The following ANK2 variants were observed in gnomAD, a reference collection of about 807,000 sequenced individuals.
ANK2 encodes ankyrin-2.
Under a neutral mutation model 360.5 loss-of-function variants are expected in ANK2, and 83 were observed. The observed-to-expected ratio is 0.23, with a 90% CI of 0.19 to 0.28. ANK2 has a LOEUF of 0.28. ANK2 is among the 10% of genes least tolerant of loss of function. The pLI, the probability that ANK2 is intolerant of heterozygous loss-of-function variation, is 1.00. For synonymous variants in ANK2, 1,740 were observed against 1,759.5 expected (o/e 0.99, Z 0.28); for missense variants, 4,201 against 4,795.7 (o/e 0.88, Z 3.66).
chr4:112,909,751 G>A (rs2086469442), intron 2 of ANK2, among the ~76,000 whole-genome samples: 1 of 152,158 alleles, frequency 6.6e-6, no homozygotes, highest in Admixed American at 6.5e-5. Context: ...TCCTTATTTT[G>A]TGGTCAGTCT....
At chr4:112,744,133 T>C in the ANK2 span, among the ~76,000 whole-genome samples, 1 of 152,118 alleles carries the variant, frequency 6.6e-6, no homozygotes, top group South Asian at 2.1e-4. Context: ...TTTTGGCTAT[T>C]ACTTTCAATG....
At chr4:113,237,852 G>A (rs1467149416) in intron 7 of ANK2, among the ~76,000 whole-genome samples, 1 of 152,134 alleles carries the variant, frequency 6.6e-6, no homozygotes, top group East Asian at 1.9e-4. Flanking sequence ...AGTTATTAGA[G>A]AATGAAATGA....
chr4:113,056,912 T>A lies in ANK2; in HGVS notation c.84+7100T>A, dbSNP rs1398944042. Among the ~76,000 whole-genome samples the A allele has an allele frequency of 3.3e-5, 5 of 152,180 alleles. 1 individual carries two copies. In the East Asian group the frequency reaches 9.6e-4, roughly 29 times the overall value. On this transcript the variant is annotated intron_variant, in intron 1 of 45. Coordinates refer to ENST00000357077, the MANE Select transcript of ANK2 (RefSeq NM_001148.6). ...ATCTTCTTCCACACACTAATTTGTGTTTGTAGTCATTAAGACAAAGACCTT... is the reference window on the plus strand; with the variant it reads ...ATCTTCTTCCACACACTAATTTGTGATTGTAGTCATTAAGACAAAGACCTT...
In ANK2 at chr4:112,824,200, G is replaced by C. The variant is rs182208508; in HGVS notation, c.-40+5936G>C. On this transcript the variant is annotated intron_variant, in intron 1 of 30. Coordinates refer to the ANK2 transcript ENST00000503271. ...CTATCTATCCGTCTATCTAGAGGGA[G>C]ACAGGGTCTTGTTCTGTCACCCAGG... Among the ~76,000 whole-genome samples, 4 of 151,174 alleles carry C rather than the reference G, an allele frequency of 2.6e-5. No individual in the cohort carries two copies. In the East Asian group the frequency reaches 7.9e-4, roughly 30 times the overall value.
chr4:113,049,461 C>T (rs2065933630), upstream of ANK2, among the ~76,000 whole-genome samples: 1 of 152,138 alleles, frequency 6.6e-6, no homozygotes, highest in African/African-American at 2.4e-5. Context: ...CCAAATCATT[C>T]GAGTCCCTGG....
At chr4:112,918,128 A>G (rs1344985843) in intron 2 of ANK2, among the ~76,000 whole-genome samples, 2 of 152,136 alleles carry the variant, frequency 1.3e-5, no homozygotes, top group Non-Finnish European at 2.9e-5. Context: ...TTTTCTGAGT[A>G]GTCACCTATT....
chr4:113,343,642 T>C (rs1266123891), intron 34 of ANK2, among the ~76,000 whole-genome samples: 2 of 152,134 alleles, frequency 1.3e-5, no homozygotes, highest in African/African-American at 4.8e-5. Flanking sequence ...CATGGAGACA[T>C]TTGTGTGCAC....
Position 113,355,699 on chromosome 4 carries a change from C to T in ANK2, c.7081C>T (p.His2361Tyr), listed in dbSNP as rs1425229183. 2.5e-6 allele frequency: 4 copies of T among 1,614,112 alleles called. No individual in the cohort carries two copies. The highest frequency in any genetic ancestry group is 3.3e-5 in the Admixed American group (2 of 60,016). Reference sequence around the variant, plus strand: ...TCAACGTACCTTTGGTAGTTCAGCCCACAAGACACAAACTGATAGTGAGGT... The same window carrying T: ...TCAACGTACCTTTGGTAGTTCAGCCTACAAGACACAAACTGATAGTGAGGT... ...EGQRTFGSSA[H>Y]KTQTDSEVQE... Residue 2361 changes from histidine to tyrosine, a missense_variant, in exon 38 of 46, where the codon CAC becomes TAC. Coordinates refer to ENST00000357077, the MANE Select transcript of ANK2 (RefSeq NM_001148.6).
intron 2 of ANK2, among the ~76,000 whole-genome samples, chr4:113,034,951 C>A (rs2061271694): frequency 6.6e-6 from 1 of 151,862 alleles, no homozygotes; most frequent in South Asian, 2.1e-4. Flanking sequence ...GAACTCAAGG[C>A]ATATATAATG....
chr4:113,311,791 T>G (rs2080115922), intron 24 of ANK2, among the ~76,000 whole-genome samples: 1 of 152,198 alleles, frequency 6.6e-6, no homozygotes, highest in Non-Finnish European at 1.5e-5. Context: ...TGCCCCCACT[T>G]TTTTGTTAGT....
the ANK2 span, among the ~76,000 whole-genome samples, chr4:112,810,732 A>G: frequency 1.3e-5 from 2 of 149,848 alleles, no homozygotes; most frequent in East Asian, 2.0e-4. Flanking sequence ...TTTTATTTTT[A>G]GTAGAGACGA....
In ANK2 at chr4:113,165,384, A is replaced by G. The variant is rs532365023; in HGVS notation, c.85-9032A>G. 2.0e-4 allele frequency among the ~76,000 whole-genome samples: 30 copies of G among 152,322 alleles called. No individual in the cohort carries two copies. In the South Asian group the frequency reaches 6.0e-3, roughly 31 times the overall value. Reference sequence around the variant, plus strand: ...TTGATTATTTCTATTGCTGGCCTGAAGAAGTACAGATTTCCATGTTACTTT... The same window carrying G: ...TTGATTATTTCTATTGCTGGCCTGAGGAAGTACAGATTTCCATGTTACTTT... On this transcript the variant is annotated intron_variant, in intron 1 of 45. Transcript: ENST00000357077.
At chr4:112,766,319 CAA>C in the ANK2 span, among the ~76,000 whole-genome samples, 504 of 123,582 alleles carry the variant, frequency 4.1e-3, 2 homozygotes, top group African/African-American at 0.013. Flanking sequence ...GACTCTGTCT[CAA>C]AAAAAAAAAA....
chr4:113,254,232 A>G (rs2048068232), intron 10 of ANK2, among the ~76,000 whole-genome samples: 1 of 152,026 alleles, frequency 6.6e-6, no homozygotes, highest in South Asian at 2.1e-4. Flanking sequence ...ATATACTTTA[A>G]TTCTTATTGT....
At chr4:112,872,655 A>T (rs1171612882) in intron 1 of ANK2, among the ~76,000 whole-genome samples, 1 of 152,220 alleles carries the variant, frequency 6.6e-6, no homozygotes, top group South Asian at 2.1e-4. Flanking sequence ...TTCTTAAGGG[A>T]TATTCTTCTT....
chr4:113,381,445 G>A lies in ANK2; in HGVS notation c.11860-12G>A, dbSNP rs766918393. ...AAAAGAGCGTAATTCTCTCTTGTCT[G>A]CTTTTCTCCAGGACAACAATGAGTA... On this transcript the variant is annotated splice_polypyrimidine_tract_variant and intron_variant, in intron 45 of 45. Coordinates refer to ENST00000357077, the MANE Select transcript of ANK2 (RefSeq NM_001148.6). 3 of 1,614,116 alleles carry A rather than the reference G, an allele frequency of 1.9e-6. No homozygotes were observed. Among genetic ancestry groups the A allele is most frequent in the Middle Eastern group, 1.7e-4 (1 of 6,058 alleles).
chr4:113,083,908 A>C (rs991824142), intron 1 of ANK2, among the ~76,000 whole-genome samples: 2 of 152,224 alleles, frequency 1.3e-5, no homozygotes, highest in Non-Finnish European at 2.9e-5. Flanking sequence ...ACATAGAAGC[A>C]TAAAATTTCA....
At chr4:112,795,581 G>T in the ANK2 span, among the ~76,000 whole-genome samples, 2 of 152,136 alleles carry the variant, frequency 1.3e-5, no homozygotes, top group African/African-American at 4.8e-5. Context: ...TCGGCCCACT[G>T]CAACCTCTGC....
intron 23 of ANK2, among the ~76,000 whole-genome samples, chr4:113,309,626 C>T (rs1345860619): frequency 6.6e-6 from 1 of 152,128 alleles, no homozygotes; most frequent in African/African-American, 2.4e-5. Flanking sequence ...TCAAGCGATT[C>T]TCCCACTTCA....
Sources: gnomAD v4.1 joint callset for allele counts (sites outside exome capture counted in the v4.1 genomes callset) on GRCh38, gnomAD v4.1.1 for gene constraint, MANE v1.5 for transcripts, NCBI Gene and HGNC (gene_info 2026-07-23, HGNC 2026-07-21) for gene names.